The following DZIP3 variants were observed in gnomAD, a reference collection of about 807,000 sequenced individuals.
DZIP3 encodes E3 ubiquitin-protein ligase DZIP3.
A neutral mutation model predicts 162.0 loss-of-function variants in DZIP3; 118 were observed. The observed-to-expected ratio is 0.73, with a 90% CI of 0.63 to 0.85. The LOEUF (loss-of-function observed/expected upper bound fraction) is 0.85. Among genes scored for constraint, DZIP3 ranks in the 40% least tolerant of loss-of-function variants. The pLI, the probability that DZIP3 is intolerant of heterozygous loss-of-function variation, is 0.00. For missense variants in DZIP3, 1,331 were observed against 1,407.0 expected, an observed-to-expected ratio of 0.95 and a Z score of 0.86; for synonymous variants, 438 against 458.6, an observed-to-expected ratio of 0.96 and a Z score of 0.57.
intron 1 of DZIP3, among the ~76,000 whole-genome samples, chr3:108,598,859 C>T (rs1939842932): frequency 6.6e-6 from 1 of 152,166 alleles, no homozygotes; most frequent in Non-Finnish European, 1.5e-5. Context: ...GTGGTTTTAG[C>T]AGTGCTATCT....
chr3:108,655,225 G>T (rs1196590656), intron 19 of DZIP3, among the ~76,000 whole-genome samples: 1 of 152,112 alleles, frequency 6.6e-6, no homozygotes, highest in East Asian at 1.9e-4. Context: ...CCTGCATATT[G>T]TGTCAAGAGC....
chr3:108,686,699 T>A, intron 28 of DZIP3, 115 bp downstream of exon 28: 1 of 1,257,064 alleles, frequency 8.0e-7, no homozygotes, highest in East Asian at 2.7e-5. Context: ...AAAGTACAGA[T>A]GTTTCCTTAC....
Position 108,661,886 on chromosome 3 carries a change from G to A in DZIP3, c.2209G>A (p.Gly737Ser). Residue 737 changes from glycine (G) to serine (S), a missense_variant, in exon 20 of 33, where the codon GGC becomes AGC. Coordinates refer to ENST00000361582, the MANE Select transcript of DZIP3 (RefSeq NM_014648.4). ...ILDMIEQGSA[G>S]KVTTDYGETE... ...TTCCTGTGCTCAATAGGGCTCAGCTGGCAAAGTAACTACAGACTATGGAGA... is the reference window on the plus strand; with the variant it reads ...TTCCTGTGCTCAATAGGGCTCAGCTAGCAAAGTAACTACAGACTATGGAGA... 6.2e-7 allele frequency: 1 copy of A among 1,613,386 alleles called. No homozygotes were observed. Among genetic ancestry groups the A allele is most frequent in the Non-Finnish European group, 8.5e-7 (1 of 1,179,750 alleles).
At chr3:108,671,593 T>C (rs1179327823) in intron 22 of DZIP3, among the ~76,000 whole-genome samples, 1 of 151,956 alleles carries the variant, frequency 6.6e-6, no homozygotes, top group Non-Finnish European at 1.5e-5. Context: ...AAATGTTGAA[T>C]GTAAGCACTG....
chr3:108,681,405 GC>G (rs1301026883), intron 26 of DZIP3, among the ~76,000 whole-genome samples: 1 of 152,094 alleles, frequency 6.6e-6, no homozygotes, highest in Non-Finnish European at 1.5e-5. Context: ...AGTTAGAATG[GC>G]AGTCATTAAA....
At chr3:108,660,715 G>A (rs1943381969) in intron 19 of DZIP3, among the ~76,000 whole-genome samples, 1 of 152,000 alleles carries the variant, frequency 6.6e-6, no homozygotes, top group Non-Finnish European at 1.5e-5. Context: ...TACAGAATGG[G>A]AGAAAATTTT....
chr3:108,613,492 C>T (rs1940835328), intron 4 of DZIP3, among the ~76,000 whole-genome samples: 1 of 152,036 alleles, frequency 6.6e-6, no homozygotes, highest in Non-Finnish European at 1.5e-5. Flanking sequence ...CAAATATATA[C>T]AGAACCTTTA....
At chr3:108,636,840 C>A in intron 11 of DZIP3, 132 bp downstream of exon 11, 2 of 610,710 alleles carry the variant, frequency 3.3e-6, no homozygotes, top group Non-Finnish European at 2.8e-6. Context: ...TGACTGAGCT[C>A]TTGAACCTTT....
rs760006018 is a variant in DZIP3, at chr3:108,629,140, T to A, written c.660T>A (p.Asp220Glu). ...AAAATGACCATTGGTTTGACATAGA[T>A]CCTACAGAAGATGAAGATTTACCTA... ...GDKNDHWFDI[D>E]PTEDEDLPTT... The change falls in exon 8 of 33, where the codon GAT (aspartate) becomes GAA (glutamate). Residue 220 changes from aspartate (D) to glutamate (E), a missense_variant. This residue lies in a region of DZIP3 where 1,278 missense variants were observed against 1,317.1 expected (regional missense o/e 0.97). Coordinates refer to ENST00000361582, the MANE Select transcript of DZIP3 (RefSeq NM_014648.4). 7.5e-6 allele frequency: 12 copies of A among 1,597,906 alleles called. No homozygotes were observed. In the Admixed American group the frequency reaches 1.8e-4, roughly 24 times the overall value.
At chr3:108,652,507 A>G (rs1942909696) in intron 18 of DZIP3, among the ~76,000 whole-genome samples, 1 of 151,892 alleles carries the variant, frequency 6.6e-6, no homozygotes, top group Non-Finnish European at 1.5e-5. Context: ...GTCCCATAAA[A>G]TTACAATGAA....
intron 19 of DZIP3, among the ~76,000 whole-genome samples, chr3:108,657,325 G>A (rs1450593686): frequency 2.0e-5 from 3 of 152,102 alleles, no homozygotes; most frequent in Non-Finnish European, 4.4e-5. Context: ...GAGAGTGGGG[G>A]CCAATATTCA....
intron 5 of DZIP3, among the ~76,000 whole-genome samples, chr3:108,621,982 G>A (rs1031751724): frequency 6.6e-6 from 1 of 151,380 alleles, no homozygotes; most frequent in African/African-American, 2.4e-5. Flanking sequence ...AGGATCACTT[G>A]AACTCAGGAG....
chr3:108,653,039 A>G (rs983762321), intron 18 of DZIP3, among the ~76,000 whole-genome samples: 1 of 151,950 alleles, frequency 6.6e-6, no homozygotes, highest in Non-Finnish European at 1.5e-5. Context: ...TTTCAAAAAT[A>G]CAAATTCATC....
intron 21 of DZIP3, among the ~76,000 whole-genome samples, chr3:108,663,677 A>G (rs1003951854): frequency 4.6e-5 from 7 of 152,204 alleles, no homozygotes; most frequent in African/African-American, 1.4e-4. Context: ...ATTGCCATCA[A>G]TGCAGATGAG....
Position 108,644,662 on chromosome 3 carries a change from T to C in DZIP3, c.1640T>C (p.Ile547Thr), listed in dbSNP as rs766217493. The change falls in exon 14 of 33, where the codon ATT becomes ACT. Residue 547 changes from isoleucine (I) to threonine (T), a missense_variant. Physicochemically the swap from Ile to Thr is moderately conservative, Grantham distance 89. Transcript: ENST00000361582. ...CGCCTTGGGATGATGCAAGAGGATA[T>C]TGACAAAGTGAAGGAGAATCCCATT... ...LLRLGMMQED[I>T]DKVKENPIEN... The C allele has an allele frequency of 6.2e-7, 1 of 1,614,016 alleles. No individual in the cohort carries two copies. The highest frequency in any genetic ancestry group is 8.5e-7 in the Non-Finnish European group (1 of 1,179,952).
chr3:108,607,298 C>A (rs1005058094), intron 2 of DZIP3, among the ~76,000 whole-genome samples: 1 of 152,132 alleles, frequency 6.6e-6, no homozygotes, highest in Non-Finnish European at 1.5e-5. Flanking sequence ...AAATGGTTGT[C>A]TGTCAAATGA....
chr3:108,660,972 A>G (rs1332757188), intron 19 of DZIP3, among the ~76,000 whole-genome samples: 1 of 152,214 alleles, frequency 6.6e-6, no homozygotes. Context: ...AGTCATTAAA[A>G]AGTCAGGAAA....
intron 26 of DZIP3, among the ~76,000 whole-genome samples, chr3:108,680,751 C>G (rs1327484525): frequency 6.6e-6 from 1 of 152,082 alleles, no homozygotes; most frequent in Non-Finnish European, 1.5e-5. Flanking sequence ...GGTACCAAAA[C>G]AGATATATAG....
At chr3:108,673,102 A>G (rs1349923785) in intron 23 of DZIP3, among the ~76,000 whole-genome samples, 1 of 152,034 alleles carries the variant, frequency 6.6e-6, no homozygotes, top group Non-Finnish European at 1.5e-5. Context: ...TTTCTAAGTT[A>G]GAACACCACA....
Sources: allele counts gnomAD v4.1 joint callset (sites outside exome capture counted in the v4.1 genomes callset), GRCh38; gene constraint gnomAD v4.1.1; regional missense constraint gnomAD v4.1.1; transcripts MANE v1.5; gene names NCBI Gene and HGNC (gene_info 2026-07-23, HGNC 2026-07-21).